Variants in ZNF541 observed in about 807,000 individuals in gnomAD.
ZNF541 encodes zinc finger protein 541.
In ZNF541, 23 loss-of-function variants were observed where a neutral mutation model predicts 123.5. That is an observed-to-expected ratio of 0.19 (90% CI 0.13 to 0.26). The LOEUF is 0.26. ZNF541 is among the 10% of genes least tolerant of loss of function. ZNF541 has a pLI of 1.00. For missense variants in ZNF541, 1,612 were observed against 1,789.9 expected, an observed-to-expected ratio of 0.90 and a Z score of 1.79; for synonymous variants, 751 against 754.5, an observed-to-expected ratio of 1.00 and a Z score of 0.08.
chr19:47,521,790 A>C lies in ZNF541; in HGVS notation c.3711+64T>G. 1 of 1,535,206 alleles carries C rather than the reference A, an allele frequency of 6.5e-7. No individual in the cohort carries two copies. Among genetic ancestry groups the C allele is most frequent in the Non-Finnish European group, 8.8e-7 (1 of 1,137,318 alleles). On this transcript the variant is annotated intron_variant, in intron 15 of 16. Transcript: ENST00000391901. This position sits in a 1 kb window ranked among gnomAD's most constrained non-coding sequence, Gnocchi z 4.2. Reference sequence around the variant, plus strand: ...CCCCCGCCCTCTGACCCCACCGTCCAACTCAACGGGTAGCAGGCACTGGGA... The same window carrying C: ...CCCCCGCCCTCTGACCCCACCGTCCCACTCAACGGGTAGCAGGCACTGGGA...
chr19:47,566,104 G>A (rs1336593532), intron 2 of ZNF541, among the ~76,000 whole-genome samples: 1 of 152,106 alleles, frequency 6.6e-6, no homozygotes, highest in Non-Finnish European at 1.5e-5. Flanking sequence ...TTGGACCCGG[G>A]AGGCGGAGGT....
At chr19:47,568,496 A>G (rs915657560) in intron 2 of ZNF541, among the ~76,000 whole-genome samples, 6 of 152,038 alleles carry the variant, frequency 3.9e-5, no homozygotes, top group Non-Finnish European at 8.8e-5. Flanking sequence ...AGCATGTGCC[A>G]CCACACCTGG....
rs10409597 is a variant in ZNF541, at chr19:47,569,487, C to T, written c.-99+2409G>A. Among the ~76,000 whole-genome samples the T allele has an allele frequency of 2.6e-3, 388 of 152,120 alleles. 3 individuals are homozygous for T. Among genetic ancestry groups the T allele is most frequent in the African/African-American group, 9.0e-3 (375 of 41,498 alleles). ...TAATTTCGAAACCCTTACGCTTGCC[C>T]GCTCCACTATGCTTTTATCACACAC... On this transcript the variant is annotated intron_variant, in intron 2 of 16. Transcript: ENST00000391901.
At chr19:47,551,112 G>A (rs1475776247) in intron 3 of ZNF541, among the ~76,000 whole-genome samples, 2 of 148,898 alleles carry the variant, frequency 1.3e-5, no homozygotes, top group South Asian at 2.1e-4. Flanking sequence ...GGGCAGTGGC[G>A]CAATCTCGGC....
chr19:47,571,072 C>A (rs1021032847), intron 2 of ZNF541, among the ~76,000 whole-genome samples: 2 of 151,984 alleles, frequency 1.3e-5, no homozygotes, highest in African/African-American at 4.8e-5. Context: ...ACTGAAAATT[C>A]CAAAGTGGTG....
At chr19:47,556,760 CTTTT>C (rs34476455) in intron 2 of ZNF541, among the ~76,000 whole-genome samples, 1 of 136,666 alleles carries the variant, frequency 7.3e-6, no homozygotes, top group Non-Finnish European at 1.6e-5. Context: ...TTTTCTTTTC[CTTTT>C]TTTTTTTTTT....
rs73940885 is a variant in ZNF541, at chr19:47,539,723, G to A, written c.2778C>T (p.His926=). The change falls in exon 8 of 17, where the codon CAC becomes CAT. Residue 926 remains histidine (H), a synonymous_variant. Coordinates refer to ENST00000391901, the MANE Select transcript of ZNF541 (RefSeq NM_001277075.3). ...CACCCACCATGGCCATGCTCCCTAT[G>A]TGTCGGGTCACTGGAACCACGGGGA... The part of the protein sequence containing the change: ...QSIPVVPVTR[H]IGSMAMGQEK... 5.7e-4 allele frequency: 819 copies of A among 1,437,266 alleles called. 1 individual carries two copies. The African/African-American group carries it at 0.011, about 19-fold the overall frequency. 89.0% of individuals were successfully genotyped at this position (1,437,266 alleles called of 1,614,324 possible). A position where few individuals can be genotyped will look rare whatever the true frequency, so the allele number is the denominator to read the frequency against.
intron 2 of ZNF541, among the ~76,000 whole-genome samples, chr19:47,567,046 A>T (rs972867315): frequency 6.6e-6 from 1 of 151,768 alleles, no homozygotes; most frequent in Non-Finnish European, 1.5e-5. Flanking sequence ...GCGAGACTCC[A>T]TCTCAAAAAT....
At chr19:47,541,115 T>G (rs2123086110) in intron 5 of ZNF541, 164 bp from the exon 6 acceptor site, 1 of 623,362 alleles carries the variant, frequency 1.6e-6, no homozygotes, top group African/African-American at 1.9e-5. Flanking sequence ...AAATTAGACT[T>G]CATCAAAATG....
intron 7 of ZNF541, 21 bp downstream of exon 7, chr19:47,540,154 GC>G: frequency 1.3e-6 from 2 of 1,543,640 alleles, no homozygotes; most frequent in Non-Finnish European, 1.7e-6. Context: ...TAACCACCAA[GC>G]CACTGGTCGT....
intron 6 of ZNF541, 27 bp downstream of exon 6, chr19:47,540,866 T>C (rs1390405121): frequency 6.5e-7 from 1 of 1,549,602 alleles, no homozygotes; most frequent in East Asian, 2.4e-5. Context: ...CCAGGGTGCA[T>C]GCAGGATCGG....
rs1455937609 is a variant in ZNF541 at position 47,544,274 on chromosome 19, G to A, written c.2255C>T (p.Pro752Leu). ...GYRLLGNPRA[P>L]RFSGFRKEKA... is the part of the protein sequence containing the mutation. ...CTCTTTCCGGAAGCCGGAGAATCGC[G>A]GGGCCCTGGGGTTGCCCAAGAGCCG... Residue 752 changes from proline to leucine, a missense_variant, in exon 5 of 17, where the codon CCG (proline) becomes CTG (leucine). By Grantham distance (98) the Pro-to-Leu change is moderately conservative. Coordinates refer to ENST00000391901, the MANE Select transcript of ZNF541 (RefSeq NM_001277075.3). The A allele has an allele frequency of 4.5e-6, 7 of 1,551,540 alleles. No individual in the cohort carries two copies. Among genetic ancestry groups the A allele is most frequent in the Non-Finnish European group, 6.1e-6 (7 of 1,147,010 alleles).
chr19:47,544,417 A>T lies in ZNF541; in HGVS notation c.2112T>A (p.Gly704=). The change falls in exon 5 of 17, where the codon GGT becomes GGA. Residue 704 remains glycine (G), a synonymous_variant. Transcript: ENST00000391901. ...GCGAGGCTCCTGGTGGCTCCTCCCC[A>T]CCTAACTGGGTCTGCCGTTGGCCTG... is the stretch of plus-strand genomic sequence containing the variant. ...PSTGQRQTQL[G]GEEPPGASLP... 6.4e-7 allele frequency: 1 copy of T among 1,551,164 alleles called. No homozygotes were observed. The highest frequency in any genetic ancestry group is 8.7e-7 in the Non-Finnish European group (1 of 1,146,936).
In ZNF541 at chr19:47,544,958, G is replaced by A. The variant is rs1010652491; in HGVS notation, c.1571C>T (p.Ala524Val). ...CGCAGGGAGCCCGCCTGCCTTCTGG[G>A]CCTCCTGGAGGCCGGGCTCCCCGGG... ...QNPGEPGLQE[A>V]QKAGGLPADA... The change falls in exon 5 of 17, where the codon GCC (alanine) becomes GTC (valine). Residue 524 changes from alanine to valine, a missense_variant. Physicochemically the swap from Ala to Val is moderately conservative, Grantham distance 64 (BLOSUM62 0). This residue lies in a region of ZNF541 where 1,080 missense variants were observed against 1,013.8 expected (regional missense o/e 1.07). Transcript: ENST00000391901. The A allele has an allele frequency of 1.4e-5, 22 of 1,534,266 alleles. No individual in the cohort carries two copies. The highest frequency in any genetic ancestry group is 1.7e-5 in the Non-Finnish European group (20 of 1,146,250).
Position 47,544,696 on chromosome 19 carries a change from G to T in ZNF541, c.1833C>A (p.Leu611=), listed in dbSNP as rs1022145314. 26 of 1,519,426 alleles carry T rather than the reference G, an allele frequency of 1.7e-5. No homozygotes were observed. The highest frequency in any genetic ancestry group is 2.1e-5 in the Non-Finnish European group (24 of 1,135,830). The allele number at this position is 1,519,426 out of a possible 1,614,324, so 94.1% of individuals were successfully genotyped here. A position where few individuals can be genotyped will look rare whatever the true frequency, so the allele number is the denominator to read the frequency against. ...CCTCGGGGTTTCCAGGGCCGGCGTG[G>T]AGAGAGTCCACAGCAGGAGCCAGTG... ...PPPLAPAVDS[L]HAGPGNPEAE... The change falls in exon 5 of 17, where the codon CTC becomes CTA. Residue 611 remains leucine (L), a synonymous_variant. Coordinates refer to ENST00000391901, the MANE Select transcript of ZNF541 (RefSeq NM_001277075.3).
chr19:47,548,676 CACA>C (rs1050100483), intron 4 of ZNF541, among the ~76,000 whole-genome samples: 2 of 152,126 alleles, frequency 1.3e-5, no homozygotes, highest in African/African-American at 4.8e-5. Context: ...GTTTTTAACC[CACA>C]AGCAGCCCAT....
chr19:47,549,370 G>A lies in ZNF541; in HGVS notation c.423C>T (p.Asp141=), dbSNP rs898491325. 1 of 1,551,756 alleles carries A rather than the reference G, an allele frequency of 6.4e-7. No homozygotes were observed. Among genetic ancestry groups the A allele is most frequent in the Non-Finnish European group, 8.7e-7 (1 of 1,147,026 alleles). The change falls in exon 4 of 17, where the codon GAC becomes GAT. Residue 141 remains aspartate (D), a synonymous_variant. Transcript: ENST00000391901. ...QHSSPQNPLL[D]CSLCGKVFSS... is the part of the protein sequence containing the mutation. ...TGAACACCTTCCCGCACAGGCTGCA[G>A]TCCAGAAGTGGGTTTTGAGGGGAAC...
At chr19:47,535,252 C>T (rs1969763458) in intron 9 of ZNF541, among the ~76,000 whole-genome samples, 1 of 152,166 alleles carries the variant, frequency 6.6e-6, no homozygotes, top group African/African-American at 2.4e-5. Flanking sequence ...CGCACCTGGA[C>T]CAAAATTACA....
chr19:47,551,273 C>G (rs556397675), intron 3 of ZNF541, among the ~76,000 whole-genome samples: 1 of 152,210 alleles, frequency 6.6e-6, no homozygotes, highest in South Asian at 2.1e-4. Context: ...CTTCTGGCCT[C>G]AGGTGATCCA....
Sources: gnomAD v4.1 joint callset for allele counts (sites outside exome capture counted in the v4.1 genomes callset) on GRCh38, gnomAD v4.1.1 for gene constraint, gnomAD v4.1.1 regional missense constraint, Gnocchi (gnomAD v3.1) non-coding constraint, MANE v1.5 for transcripts, NCBI Gene and HGNC (gene_info 2026-07-23, HGNC 2026-07-21) for gene names.